FLRT2: variants seen among roughly 807,000 people sequenced by gnomAD.
FLRT2 encodes leucine-rich repeat transmembrane protein FLRT2.
In FLRT2, 15 loss-of-function variants were observed where a neutral mutation model predicts 40.0. The ratio of observed to expected loss-of-function variants is 0.38; its 90% confidence interval spans 0.25 to 0.58. The LOEUF (loss-of-function observed/expected upper bound fraction) is 0.58. Ranked by LOEUF, FLRT2 falls within the 20% of genes least tolerant of loss-of-function variation. The pLI, the probability that FLRT2 is intolerant of heterozygous loss-of-function variation, is 0.71. For missense variants in FLRT2, 726 were observed against 840.0 expected (o/e 0.86, Z 1.68); for synonymous variants, 380 against 336.8 (o/e 1.13, Z -1.41).
rs1383711710 is a variant in FLRT2 at position 85,630,323 on chromosome 14, C to G, written c.*6826C>G. The G allele has an allele frequency of 1.0e-5, 1 of 98,332 alleles. No homozygotes were observed. The highest frequency in any genetic ancestry group is 1.8e-5 in the Non-Finnish European group (1 of 54,810). The allele number at this position is 98,332 out of a possible 1,614,324, so 6.1% of individuals were successfully genotyped here. On this transcript the variant is annotated 3_prime_UTR_variant, in exon 2 of 2. Transcript: ENST00000330753. Reference sequence around the variant, plus strand: ...TTTTTTTTTTGGTATGAAGTCTAAACTAGACGAAAACCTCAATATATCCTT... The same window carrying G: ...TTTTTTTTTTGGTATGAAGTCTAAAGTAGACGAAAACCTCAATATATCCTT...
chr14:85,611,917 CGTGTGTGTGTGTGTGTGTGTGT>C (rs71120529), intron 1 of FLRT2, among the ~76,000 whole-genome samples: 3 of 130,932 alleles, frequency 2.3e-5, no homozygotes, highest in South Asian at 2.7e-4. Context: ...TGCGCGAAAG[CGTGTGTGTGTGTGTGTGTGTGT>C]GTGTGTGTGT....
chr14:85,566,898 G>A (rs1249819857), intron 1 of FLRT2, among the ~76,000 whole-genome samples: 1 of 152,092 alleles, frequency 6.6e-6, no homozygotes, highest in Non-Finnish European at 1.5e-5. Flanking sequence ...GTTTCTGCCA[G>A]ATGAAGAGTA....
In FLRT2 at chr14:85,629,297, G is replaced by C. The variant is rs1034341709; in HGVS notation, c.*5800G>C. The C allele has an allele frequency of 6.6e-6, 1 of 152,220 alleles. No homozygotes were observed. The highest frequency in any genetic ancestry group is 1.9e-4 in the East Asian group (1 of 5,190). 9.4% of individuals were successfully genotyped at this position (152,220 alleles called of 1,614,324 possible). A position where few individuals can be genotyped will look rare whatever the true frequency, so the allele number is the denominator to read the frequency against. On this transcript the variant is annotated 3_prime_UTR_variant, in exon 2 of 2. Transcript: ENST00000330753. ...TGGTTTTTAATAGATGCAGCAATGAGAGAGTACATTGCTAAAGTCAGAACT... is the reference window on the plus strand; with the variant it reads ...TGGTTTTTAATAGATGCAGCAATGACAGAGTACATTGCTAAAGTCAGAACT...
chr14:85,632,456 G>T lies in FLRT2; in HGVS notation c.*8959G>T, dbSNP rs1176698437. ...CATTGCACTCCAGCCTGGTGACAGAGTGAGACTCAAAAAAAAAAAAAAAAA... is the reference window on the plus strand; with the variant it reads ...CATTGCACTCCAGCCTGGTGACAGATTGAGACTCAAAAAAAAAAAAAAAAA... On this transcript the variant is annotated 3_prime_UTR_variant, in exon 2 of 2. Coordinates refer to ENST00000330753, the MANE Select transcript of FLRT2 (RefSeq NM_013231.6). The T allele has an allele frequency of 8.4e-6, 1 of 118,650 alleles. No homozygotes were observed. 7.3% of individuals were successfully genotyped at this position (118,650 alleles called of 1,614,324 possible). A position where few individuals can be genotyped will look rare whatever the true frequency, so the allele number is the denominator to read the frequency against.
chr14:85,531,737 G>T (rs1020570285), intron 1 of FLRT2, among the ~76,000 whole-genome samples: 5 of 152,172 alleles, frequency 3.3e-5, no homozygotes, highest in African/African-American at 1.2e-4. Context: ...TCCTCCCCGG[G>T]ATACGTATTA....
At chr14:85,536,136 C>T (rs1888647947) in intron 1 of FLRT2, among the ~76,000 whole-genome samples, 1 of 151,870 alleles carries the variant, frequency 6.6e-6, no homozygotes, top group South Asian at 2.1e-4. Context: ...TGACTTTGAC[C>T]GGCTGGATCT....
chr14:85,559,296 G>C (rs1008988786), intron 1 of FLRT2: 1 of 152,170 alleles, frequency 6.6e-6, no homozygotes, highest in Non-Finnish European at 1.5e-5. Flanking sequence ...GTAGAAGAGG[G>C]GCCCTTTCTC....
In FLRT2 at chr14:85,645,780, G is replaced by A. The variant is rs1894284681; in HGVS notation, c.*22283G>A. On this transcript the variant is annotated 3_prime_UTR_variant, in exon 2 of 2. Transcript: ENST00000330753. ...CTCACGTCTTGCTCAATGACTTCAT[G>A]AATGAAAAGTTTATGATAGCAAAGA... is the stretch of plus-strand genomic sequence containing the variant. 1 of 152,060 alleles carries A rather than the reference G, an allele frequency of 6.6e-6. No individual in the cohort carries two copies. The highest frequency in any genetic ancestry group is 6.6e-5 in the Admixed American group (1 of 15,252). The allele number at this position is 152,060 out of a possible 1,614,324, so 9.4% of individuals were successfully genotyped here.
intron 1 of FLRT2, among the ~76,000 whole-genome samples, chr14:85,579,638 C>A (rs1433304205): frequency 6.6e-6 from 1 of 152,066 alleles, no homozygotes; most frequent in Non-Finnish European, 1.5e-5. Context: ...AAATTCTTAG[C>A]CCATGGGGTT....
intron 1 of FLRT2, among the ~76,000 whole-genome samples, chr14:85,564,954 C>T (rs1203193540): frequency 6.6e-6 from 1 of 152,176 alleles, no homozygotes; most frequent in Non-Finnish European, 1.5e-5. Flanking sequence ...CTCTGCCTTA[C>T]CATTTCTATG....
chr14:85,587,783 A>G (rs1891690971), intron 1 of FLRT2, among the ~76,000 whole-genome samples: 1 of 152,202 alleles, frequency 6.6e-6, no homozygotes, highest in South Asian at 2.1e-4. Flanking sequence ...ATATTTTTTA[A>G]CATCCTCTTT....
At position 85,535,896 on chromosome 14, in the gene FLRT2, T is replaced by TG. The variant is rs1235408134; in HGVS notation, c.-377+5362_-377+5363insG. Reference sequence around the variant, plus strand: ...ACCTAGCATGGAAGGAATGCTGTTTTTTTTTTTTTTTTTTTTTTTTTTTTT... The same window carrying TG: ...ACCTAGCATGGAAGGAATGCTGTTTTGTTTTTTTTTTTTTTTTTTTTTTTTT... On this transcript the variant is annotated intron_variant, in intron 1 of 1. Transcript: ENST00000330753. Among the ~76,000 whole-genome samples, 605 of 72,324 alleles carry TG rather than the reference T, an allele frequency of 8.4e-3. 5 individuals carry two copies. Among genetic ancestry groups the TG allele is most frequent in the Admixed American group, 0.013 (79 of 6,030 alleles). The allele number at this position is 72,324 out of a possible 152,430, so 47.4% of individuals were successfully genotyped here. A position where few individuals can be genotyped will look rare whatever the true frequency, so the allele number is the denominator to read the frequency against.
intron 1 of FLRT2, among the ~76,000 whole-genome samples, chr14:85,613,637 C>T (rs963914959): frequency 2.6e-5 from 4 of 152,148 alleles, no homozygotes; most frequent in African/African-American, 4.8e-5. Context: ...TTCTTTGACT[C>T]GTTCATTTGT....
intron 1 of FLRT2, among the ~76,000 whole-genome samples, chr14:85,563,403 G>A (rs945766040): frequency 3.9e-5 from 6 of 152,152 alleles, no homozygotes; most frequent in Non-Finnish European, 8.8e-5. Context: ...ACCTGAAACT[G>A]GGTAATTTAT....
chr14:85,539,886 A>G (rs1477702043), intron 1 of FLRT2, among the ~76,000 whole-genome samples: 1 of 152,176 alleles, frequency 6.6e-6, no homozygotes. Flanking sequence ...CATCTAACCA[A>G]TACACTGGCT....
chr14:85,647,371 C>T lies in FLRT2; in HGVS notation c.*23874C>T, dbSNP rs913661887. The stretch of plus-strand genomic sequence containing the variant: ...GCAATATAATATATGTAAATCATAC[C>T]AAATTATATGTGTTTAAAACTCAAG... On this transcript the variant is annotated 3_prime_UTR_variant, in exon 2 of 2. Transcript: ENST00000330753. The T allele has an allele frequency of 6.6e-6, 1 of 152,006 alleles. No homozygotes were observed. Among genetic ancestry groups the T allele is most frequent in the African/African-American group, 2.4e-5 (1 of 41,366 alleles). 9.4% of individuals were successfully genotyped at this position (152,006 alleles called of 1,614,324 possible).
rs1303912025 is a variant in FLRT2, at chr14:85,648,459, T to C, written c.*24962T>C. 1 of 152,140 alleles carries C rather than the reference T, an allele frequency of 6.6e-6. No individual in the cohort carries two copies. Among genetic ancestry groups the C allele is most frequent in the African/African-American group, 2.4e-5 (1 of 41,426 alleles). The allele number at this position is 152,140 out of a possible 1,614,324, so 9.4% of individuals were successfully genotyped here. A position where few individuals can be genotyped will look rare whatever the true frequency, so the allele number is the denominator to read the frequency against. On this transcript the variant is annotated 3_prime_UTR_variant, in exon 2 of 2. Coordinates refer to ENST00000330753, the MANE Select transcript of FLRT2 (RefSeq NM_013231.6). The stretch of plus-strand genomic sequence containing the variant: ...AGAGGCCATCTTTGTGTTGCTGGTT[T>C]GATTAGCAAGTTTGCTAAGACATGA...
rs1893553267 is a variant in FLRT2 at position 85,623,979 on chromosome 14, A to T, written c.*482A>T. The T allele has an allele frequency of 6.0e-6, 1 of 167,400 alleles. No homozygotes were observed. The highest frequency in any genetic ancestry group is 2.4e-5 in the African/African-American group (1 of 41,464). The allele number at this position is 167,400 out of a possible 1,614,324, so 10.4% of individuals were successfully genotyped here. A position where few individuals can be genotyped will look rare whatever the true frequency, so the allele number is the denominator to read the frequency against. ...ACTATTCCTATACCTCCAGGTCCGG[A>T]AGACAGGTAAAAAATTCTATAATGT... On this transcript the variant is annotated 3_prime_UTR_variant, in exon 2 of 2. Transcript: ENST00000330753.
Position 85,648,829 on chromosome 14 carries a change from AG to A in FLRT2, c.*25333del. The A allele has an allele frequency of 6.6e-6, 1 of 152,170 alleles. No individual in the cohort carries two copies. Among genetic ancestry groups the A allele is most frequent in the South Asian group, 2.1e-4 (1 of 4,826 alleles). The allele number at this position is 152,170 out of a possible 1,614,324, so 9.4% of individuals were successfully genotyped here. A position where few individuals can be genotyped will look rare whatever the true frequency, so the allele number is the denominator to read the frequency against. On this transcript the variant is annotated 3_prime_UTR_variant, in exon 2 of 2. Coordinates refer to ENST00000330753, the MANE Select transcript of FLRT2 (RefSeq NM_013231.6). ...AATGCCTGCCTCCCATTAAGTTATA[AG>A]ATCCAGGAATTTAATAATTTATTTT...
Sources: allele counts gnomAD v4.1 joint callset (sites outside exome capture counted in the v4.1 genomes callset), GRCh38; gene constraint gnomAD v4.1.1; transcripts MANE v1.5; gene names NCBI Gene and HGNC (gene_info 2026-07-23, HGNC 2026-07-21).